Variants in SNRPD3 observed in about 807,000 individuals in gnomAD.
SNRPD3 encodes small nuclear ribonucleoprotein Sm D3.
For missense variants in SNRPD3, 73 were observed against 167.5 expected (o/e 0.44, Z 3.11); for synonymous variants, 66 against 58.4 (o/e 1.13, Z -0.59).
At chr22:24,567,199 G>GTA (rs1192517541) in intron 2 of SNRPD3, among the ~76,000 whole-genome samples, 1 of 152,228 alleles carries the variant, frequency 6.6e-6, no homozygotes, top group Non-Finnish European at 1.5e-5. Flanking sequence ...ACCACATCTG[G>GTA]TATATACTTG....
At chr22:24,557,966 C>T in intron 2 of SNRPD3, 166 bp downstream of exon 2, 1 of 542,352 alleles carries the variant, frequency 1.8e-6, no homozygotes, top group Non-Finnish European at 3.1e-6. Flanking sequence ...GGGGTGTGGG[C>T]ATGAACGAGA....
chr22:24,559,589 C>G (rs913594090), intron 2 of SNRPD3, among the ~76,000 whole-genome samples: 11 of 152,288 alleles, frequency 7.2e-5, no homozygotes, highest in East Asian at 3.9e-4. Context: ...GTGCACAGAC[C>G]TTGGTGTCCG....
chr22:24,572,396 C>G lies in SNRPD3; in HGVS notation c.*419C>G, dbSNP rs891517300. 2.1e-6 allele frequency: 1 copy of G among 471,192 alleles called. No homozygotes were observed. The highest frequency in any genetic ancestry group is 3.8e-6 in the Non-Finnish European group (1 of 262,100). 29.2% of individuals were successfully genotyped at this position (471,192 alleles called of 1,614,324 possible). ...CAGGCACATAGTGTGGCACTTTGTT[C>G]AGTTAACATTTGTGGAGCTGTCATC... is the stretch of plus-strand genomic sequence containing the variant. On this transcript the variant is annotated 3_prime_UTR_variant, in exon 4 of 4. Transcript: ENST00000215829.
chr22:24,568,038 G>A lies in SNRPD3; in HGVS notation c.181G>A (p.Val61Ile), dbSNP rs751412929. 1.2e-6 allele frequency: 2 copies of A among 1,613,594 alleles called. No homozygotes were observed. Among genetic ancestry groups the A allele is most frequent in the South Asian group, 1.1e-5 (1 of 90,968 alleles). ...TGGCCGAGTGGCACAGCTGGAGCAG[G>A]TATACATCCGTGGCAGCAAAATCCG... Reference protein sequence around the residue: ...RDGRVAQLEQVYIRGSKIRFL... With the variant: ...RDGRVAQLEQIYIRGSKIRFL... The change falls in exon 3 of 4, where the codon GTA becomes ATA. Residue 61 changes from valine to isoleucine, a missense_variant. By Grantham distance (29) the Val-to-Ile change is conservative. Coordinates refer to ENST00000215829, the MANE Select transcript of SNRPD3 (RefSeq NM_004175.5).
intron 3 of SNRPD3, among the ~76,000 whole-genome samples, chr22:24,570,485 C>G (rs1178747132): frequency 6.6e-6 from 1 of 152,112 alleles, no homozygotes; most frequent in Non-Finnish European, 1.5e-5. Flanking sequence ...GAGTTCGAGA[C>G]CAGCCTGGCC....
rs1355229485 is a variant in SNRPD3 at position 24,574,157 on chromosome 22, T to A, written c.*2180T>A. On this transcript the variant is annotated 3_prime_UTR_variant, in exon 4 of 4. Transcript: ENST00000215829. Reference sequence around the variant, plus strand: ...ACTTTGAATAATAACACATTACACTTAATAGTAGTGAACTGCATCCTCGAT... The same window carrying A: ...ACTTTGAATAATAACACATTACACTAAATAGTAGTGAACTGCATCCTCGAT... Among the ~76,000 whole-genome samples the A allele has an allele frequency of 6.6e-6, 1 of 152,202 alleles. No individual in the cohort carries two copies. The highest frequency in any genetic ancestry group is 1.5e-5 in the Non-Finnish European group (1 of 68,040).
chr22:24,565,686 C>T (rs1277123983), intron 2 of SNRPD3, among the ~76,000 whole-genome samples: 3 of 152,032 alleles, frequency 2.0e-5, no homozygotes, highest in Non-Finnish European at 2.9e-5. Flanking sequence ...TTTGAGACGG[C>T]GTCTTGCTCT....
chr22:24,569,368 T>A (rs1481526419), intron 3 of SNRPD3, among the ~76,000 whole-genome samples: 1 of 152,216 alleles, frequency 6.6e-6, no homozygotes, highest in Non-Finnish European at 1.5e-5. Context: ...GGAAACTGTC[T>A]TAGTGTTGGT....
chr22:24,559,348 A>T (rs147500935), intron 2 of SNRPD3, among the ~76,000 whole-genome samples: 14 of 152,320 alleles, frequency 9.2e-5, no homozygotes, highest in Non-Finnish European at 1.8e-4. Context: ...ATCATCTCTC[A>T]TATATCCAGT....
intron 2 of SNRPD3, 65 bp downstream of exon 2, chr22:24,557,865 T>C: frequency 6.0e-6 from 9 of 1,509,404 alleles, no homozygotes; most frequent in Non-Finnish European, 8.1e-6. Context: ...GACAGAAAAG[T>C]GTGTGTTGAG....
At chr22:24,565,431 T>C (rs1177452032) in intron 2 of SNRPD3, among the ~76,000 whole-genome samples, 1 of 152,186 alleles carries the variant, frequency 6.6e-6, no homozygotes, top group African/African-American at 2.4e-5. Context: ...GGCCAGCACT[T>C]GATGTCTAAT....
intron 3 of SNRPD3, among the ~76,000 whole-genome samples, chr22:24,569,157 C>T (rs1200867152): frequency 6.6e-6 from 1 of 152,152 alleles, no homozygotes; most frequent in African/African-American, 2.4e-5. Flanking sequence ...TGGATGGACA[C>T]CAGCATGTAC....
At chr22:24,560,055 A>G in intron 2 of SNRPD3, among the ~76,000 whole-genome samples, 1 of 146,550 alleles carries the variant, frequency 6.8e-6, no homozygotes, top group African/African-American at 2.5e-5. Context: ...GCCCACTCTA[A>G]TGACTTCATC....
intron 3 of SNRPD3, 83 bp from the exon 4 acceptor site, chr22:24,571,833 G>C: frequency 1.4e-6 from 2 of 1,382,464 alleles, no homozygotes; most frequent in South Asian, 2.4e-5. Context: ...CTTCTAACTG[G>C]TGTCCTAGGG....
chr22:24,571,267 A>G (rs1388902229), intron 3 of SNRPD3, among the ~76,000 whole-genome samples: 1 of 152,236 alleles, frequency 6.6e-6, no homozygotes, highest in Admixed American at 6.5e-5. Flanking sequence ...ACCCAAGGCC[A>G]GCCCCAAGGA....
intron 2 of SNRPD3, among the ~76,000 whole-genome samples, chr22:24,566,254 G>T (rs909519373): frequency 6.6e-6 from 1 of 152,196 alleles, no homozygotes; most frequent in Non-Finnish European, 1.5e-5. Flanking sequence ...TATACAACAG[G>T]GGCGGCCCCA....
intron 1 of SNRPD3, 126 bp from the exon 2 acceptor site, chr22:24,557,531 A>G: frequency 1.6e-6 from 1 of 608,636 alleles, no homozygotes; most frequent in Middle Eastern, 2.7e-4. Flanking sequence ...TTTCCTTGGT[A>G]GAAAATGCAG....
chr22:24,568,650 C>A (rs753298482), intron 3 of SNRPD3, among the ~76,000 whole-genome samples: 1 of 151,800 alleles, frequency 6.6e-6, no homozygotes, highest in Non-Finnish European at 1.5e-5. Context: ...CTCCGCCTCC[C>A]GGGTTCAAGC....
chr22:24,571,718 T>A (rs546220052), intron 3 of SNRPD3, among the ~76,000 whole-genome samples, 198 bp from the exon 4 acceptor site: 43 of 150,396 alleles, frequency 2.9e-4, no homozygotes, highest in Middle Eastern at 3.2e-3. Context: ...CACTCCAGCC[T>A]GGGTGACAGA....
Sources: gnomAD v4.1 joint callset for allele counts (sites outside exome capture counted in the v4.1 genomes callset) on GRCh38, gnomAD v4.1.1 for gene constraint, MANE v1.5 for transcripts, NCBI Gene and HGNC (gene_info 2026-07-23, HGNC 2026-07-21) for gene names.